SBNO1: variants seen among roughly 807,000 people sequenced by gnomAD.
The protein encoded by SBNO1 is protein strawberry notch homolog 1.
A neutral mutation model predicts 173.6 loss-of-function variants in SBNO1; 23 were observed. That is an observed-to-expected ratio of 0.13 (90% confidence interval 0.10 to 0.19). SBNO1 has a LOEUF of 0.19. Ranked by LOEUF, SBNO1 falls within the 10% of genes least tolerant of loss-of-function variation. SBNO1 has a pLI of 1.00. For missense variants in SBNO1, 1,238 were observed against 1,671.2 expected (o/e 0.74, Z 4.52); for synonymous variants, 632 against 571.5 (o/e 1.11, Z -1.51).
chr12:123,303,242 T>C (rs1471639900), intron 29 of SBNO1, among the ~76,000 whole-genome samples: 2 of 152,170 alleles, frequency 1.3e-5, no homozygotes, highest in East Asian at 1.9e-4. Context: ...AATATAAACA[T>C]AGAGGCATCC....
chr12:123,345,298 C>A lies in SBNO1; in HGVS notation c.510G>T (p.Lys170Asn). Residue 170 changes from lysine to asparagine, a missense_variant, in exon 4 of 32, where the codon AAG becomes AAT. By Grantham distance (94) the Lys-to-Asn change is moderately conservative. Around this residue, in one of 14 missense-constraint regions of SBNO1, gnomAD observed 287 missense variants for 274.1 expected, o/e 1.05. Transcript: ENST00000602398. ...NNSLNELMKL[K>N]PPANIAQPVA... ...CTGGCTGAGCAATATTAGCAGGTGG[C>A]TTTAGTTTCATCAGTTCATTAAGAC... 6.2e-7 allele frequency: 1 copy of A among 1,614,114 alleles called. No homozygotes were observed. The highest frequency in any genetic ancestry group is 1.6e-4 in the Middle Eastern group (1 of 6,062).
At chr12:123,327,835 A>G (rs1299364108) in intron 11 of SBNO1, 23 bp from the exon 12 acceptor site, 1 of 1,604,832 alleles carries the variant, frequency 6.2e-7, no homozygotes, top group Admixed American at 1.7e-5. Flanking sequence ...CAAATGAAAT[A>G]TATTATAGTT....
intron 13 of SBNO1, 139 bp downstream of exon 13, chr12:123,327,287 A>G: frequency 1.4e-6 from 1 of 714,444 alleles, no homozygotes; most frequent in East Asian, 2.7e-5. Context: ...CTGAGGCATG[A>G]GACACCGTGC....
At chr12:123,354,687 G>C (rs1173869851) in intron 1 of SBNO1, among the ~76,000 whole-genome samples, 1 of 152,094 alleles carries the variant, frequency 6.6e-6, no homozygotes, top group Non-Finnish European at 1.5e-5. Flanking sequence ...GTTCATAGGA[G>C]GAAAAACATT....
intron 2 of SBNO1, chr12:123,349,102 ATTTT>A (rs1159435156): frequency 2.0e-5 from 3 of 149,374 alleles, no homozygotes; most frequent in Non-Finnish European, 4.4e-5. Flanking sequence ...GGACCAGTCT[ATTTT>A]TTTATTTTTC....
intron 21 of SBNO1, among the ~76,000 whole-genome samples, chr12:123,316,789 G>A (rs543439143): frequency 1.1e-3 from 158 of 148,984 alleles, no homozygotes; most frequent in African/African-American, 3.7e-3. Flanking sequence ...TGCAGCCTGC[G>A]CCTCCCAGGT....
intron 28 of SBNO1, 28 bp downstream of exon 28, chr12:123,309,282 T>C: frequency 6.6e-7 from 1 of 1,526,008 alleles, no homozygotes; most frequent in Non-Finnish European, 9.1e-7. Context: ...ATTATATATC[T>C]GAATAGAATT....
intron 30 of SBNO1, among the ~76,000 whole-genome samples, chr12:123,299,377 G>C (rs569231641): frequency 4.8e-5 from 7 of 146,898 alleles, no homozygotes; most frequent in African/African-American, 1.8e-4. Context: ...CAAAAAAAAC[G>C]AAACAAAACA....
chr12:123,333,121 C>T (rs904040532), intron 7 of SBNO1, among the ~76,000 whole-genome samples: 18 of 20,532 alleles, frequency 8.8e-4, no homozygotes, highest in South Asian at 8.1e-3. Context: ...GAGACTCCAT[C>T]TCAAAAAAAA....
chr12:123,353,181 A>C (rs1874079822), intron 1 of SBNO1, among the ~76,000 whole-genome samples: 1 of 152,202 alleles, frequency 6.6e-6, no homozygotes, highest in African/African-American at 2.4e-5. Context: ...GGAGTGAGGA[A>C]GGAAGGAAAC....
rs1198421752 is a variant in SBNO1 at position 123,304,608 on chromosome 12, C to T, written c.3742G>A (p.Ala1248Thr). 1 of 1,560,796 alleles carries T rather than the reference C, an allele frequency of 6.4e-7. No individual in the cohort carries two copies. The highest frequency in any genetic ancestry group is 1.7e-4 in the Middle Eastern group (1 of 5,812). The stretch of plus-strand genomic sequence containing the variant: ...TTCTTATATTTCTTTTTTAGATCAG[C>T]ATAAATTTCTAATTTGAGCTGCTTC... Reference protein sequence around the residue: ...TGKQLKLEIYADLKKKYKKVV... With the variant: ...TGKQLKLEIYTDLKKKYKKVV... Residue 1248 changes from alanine to threonine, a missense_variant, in exon 29 of 32, where the codon GCT becomes ACT. Ala to Thr is a moderately conservative substitution (Grantham distance 58). Coordinates refer to ENST00000602398, the MANE Select transcript of SBNO1 (RefSeq NM_001167856.3).
At chr12:123,332,329 T>C (rs1481076001) in intron 7 of SBNO1, among the ~76,000 whole-genome samples, 1 of 151,998 alleles carries the variant, frequency 6.6e-6, no homozygotes, top group Admixed American at 6.5e-5. Context: ...TTTGCTCTTG[T>C]TGCCCAGGCT....
chr12:123,329,017 A>G (rs1870885649), intron 9 of SBNO1, 122 bp from the exon 10 acceptor site: 4 of 566,458 alleles, frequency 7.1e-6, no homozygotes, highest in Admixed American at 3.3e-5. Context: ...CAGAAAACAT[A>G]AAAGTACAGA....
In SBNO1 at chr12:123,293,636, C is replaced by T. The variant is rs1235310814; in HGVS notation, c.*2272G>A. 1 of 152,092 alleles carries T rather than the reference C, an allele frequency of 6.6e-6. No homozygotes were observed. Among genetic ancestry groups the T allele is most frequent in the African/African-American group, 2.4e-5 (1 of 41,388 alleles). The allele number at this position is 152,092 out of a possible 1,614,324, so 9.4% of individuals were successfully genotyped here. A position where few individuals can be genotyped will look rare whatever the true frequency, so the allele number is the denominator to read the frequency against. On this transcript the variant is annotated 3_prime_UTR_variant, in exon 32 of 32. Coordinates refer to ENST00000602398, the MANE Select transcript of SBNO1 (RefSeq NM_001167856.3). Reference sequence around the variant, plus strand: ...ATGAGAAAAAAAAATAGCTGTTCTACAAAGAACCTAAGATACATACACTCC... The same window carrying T: ...ATGAGAAAAAAAAATAGCTGTTCTATAAAGAACCTAAGATACATACACTCC...
Position 123,320,806 on chromosome 12 carries a change from A to G in SBNO1, c.2384T>C (p.Ile795Thr). 1.2e-6 allele frequency: 2 copies of G among 1,601,148 alleles called. No homozygotes were observed. Among genetic ancestry groups the G allele is most frequent in the Non-Finnish European group, 1.7e-6 (2 of 1,175,014 alleles). The change falls in exon 18 of 32, where the codon ATA (isoleucine) becomes ACA (threonine). Residue 795 changes from isoleucine to threonine, a missense_variant. Physicochemically the swap from Ile to Thr is moderately conservative, Grantham distance 89. This residue lies in a region of SBNO1 where 33 missense variants were observed against 29.6 expected (regional missense o/e 1.11). Coordinates refer to ENST00000602398, the MANE Select transcript of SBNO1 (RefSeq NM_001167856.3). The part of the protein sequence containing the change: ...KNKEKKKKKS[I>T]DPDSIQSALL... The stretch of plus-strand genomic sequence containing the variant: ...GGCACTTTGAATAGAATCTGGATCT[A>G]TACTTTTCTTCTTTTTTTTCTCTTT...
chr12:123,333,108 AG>A (rs1180093998), intron 7 of SBNO1, among the ~76,000 whole-genome samples: 1 of 127,534 alleles, frequency 7.8e-6, no homozygotes, highest in Non-Finnish European at 1.6e-5. Flanking sequence ...TGGACGACAC[AG>A]TGAGACTCCA....
intron 1 of SBNO1, among the ~76,000 whole-genome samples, chr12:123,361,967 C>T (rs1875276164): frequency 6.7e-6 from 1 of 149,108 alleles, no homozygotes; most frequent in African/African-American, 2.5e-5. Context: ...GGTGAAACCC[C>T]GTGTCTACTA....
chr12:123,357,845 T>C (rs1874640874), intron 1 of SBNO1, among the ~76,000 whole-genome samples: 1 of 152,132 alleles, frequency 6.6e-6, no homozygotes. Flanking sequence ...TAACCCCCAC[T>C]GCAAAACCTG....
chr12:123,321,494 ATAT>A (rs1566034466), intron 17 of SBNO1, 38 bp downstream of exon 17: 1 of 1,380,462 alleles, frequency 7.2e-7, no homozygotes. Flanking sequence ...ATATACTGAA[ATAT>A]TATATGCTTT....
Sources: allele counts gnomAD v4.1 joint callset (sites outside exome capture counted in the v4.1 genomes callset), GRCh38; gene constraint gnomAD v4.1.1; regional missense constraint gnomAD v4.1.1; transcripts MANE v1.5; gene names NCBI Gene and HGNC (gene_info 2026-07-23, HGNC 2026-07-21).